Variants in GLIS3 observed in about 807,000 individuals in gnomAD.
GLIS3 encodes the protein GLIS family zinc finger 3, also known as zinc finger protein GLIS3.
In GLIS3, 53 loss-of-function variants were observed where a neutral mutation model predicts 78.6. The ratio of observed to expected loss-of-function variants is 0.67; its 90% CI spans 0.54 to 0.85. The LOEUF (loss-of-function observed/expected upper bound fraction) is 0.85, where lower values mean the gene tolerates loss of function less well. Ranked by LOEUF, GLIS3 falls within the 40% of genes least tolerant of loss-of-function variation. The probability of loss-of-function intolerance (pLI) is 0.00; values close to 1 mark genes in which losing one functional copy is unlikely to be tolerated. For synonymous variants in GLIS3, 684 were observed against 509.9 expected, an observed-to-expected ratio of 1.34 and a Z score of -4.60; for missense variants, 1,703 against 1,231.1, an observed-to-expected ratio of 1.38 and a Z score of -5.74.
the GLIS3 span, among the ~76,000 whole-genome samples, chr9:4,388,704 T>C: frequency 6.6e-6 from 1 of 151,584 alleles, no homozygotes; most frequent in African/African-American, 2.4e-5. Flanking sequence ...AAAAATAAAG[T>C]GGACAAAAAA....
intron 2 of GLIS3, among the ~76,000 whole-genome samples, chr9:4,342,092 C>A (rs1015300849): frequency 3.3e-5 from 5 of 152,102 alleles, no homozygotes; most frequent in Non-Finnish European, 7.3e-5. Flanking sequence ...TGCAGAGGCT[C>A]TTTAGTTTAA....
chr9:4,027,089 G>A (rs972562590), intron 4 of GLIS3, among the ~76,000 whole-genome samples: 15 of 152,160 alleles, frequency 9.9e-5, no homozygotes, highest in African/African-American at 3.4e-4. Context: ...ATAAATGTGA[G>A]CCAAACCTTT....
rs140633123 is a variant in GLIS3, at chr9:4,125,979, T to G, written c.389-38A>C. 2.8e-5 allele frequency: 41 copies of G among 1,490,324 alleles called. No individual in the cohort carries two copies. In the African/African-American group the frequency reaches 5.2e-4, roughly 19 times the overall value. 92.3% of individuals were successfully genotyped at this position (1,490,324 alleles called of 1,614,324 possible). A position where few individuals can be genotyped will look rare whatever the true frequency, so the allele number is the denominator to read the frequency against. On this transcript the variant is annotated intron_variant, in intron 2 of 10. Transcript: ENST00000381971. The stretch of plus-strand genomic sequence containing the variant: ...GAATCAGGTTAGCTTTCATGTCCCT[T>G]ACATCAGAAATCAGTAAATACAGAC...
intron 2 of GLIS3, among the ~76,000 whole-genome samples, chr9:4,253,173 G>A (rs572242399): frequency 6.6e-5 from 10 of 152,328 alleles, no homozygotes; most frequent in East Asian, 1.9e-4. Context: ...CTTCAGAGCC[G>A]GCAGGCAGGA....
At chr9:4,211,956 T>A (rs1192723523) in intron 2 of GLIS3, among the ~76,000 whole-genome samples, 2 of 152,178 alleles carry the variant, frequency 1.3e-5, no homozygotes, top group South Asian at 4.1e-4. Context: ...TTGTATGAAA[T>A]GCCCAGAAAA....
intron 2 of GLIS3, among the ~76,000 whole-genome samples, chr9:4,282,752 C>T (rs968441165): frequency 1.3e-5 from 2 of 151,904 alleles, no homozygotes; most frequent in African/African-American, 4.8e-5. Context: ...TATATATATA[C>T]ACACACACAA....
At position 4,000,948 on chromosome 9, in the gene GLIS3, T is replaced by A. The variant is rs1291634972; in HGVS notation, c.1711-63759A>T. Among the ~76,000 whole-genome samples, 2 of 152,344 alleles carry A rather than the reference T, an allele frequency of 1.3e-5. 1 individual carries two copies. Among genetic ancestry groups the A allele is most frequent in the South Asian group, 4.1e-4 (2 of 4,826 alleles). On this transcript the variant is annotated intron_variant, in intron 4 of 10. Transcript: ENST00000381971. ...TCCTCTGTACTTTCACAAAGCTATA[T>A]GCCAATTTTTCTATTTATATTGTCT...
chr9:4,413,688 T>G, the GLIS3 span, among the ~76,000 whole-genome samples: 1 of 151,990 alleles, frequency 6.6e-6, no homozygotes, highest in Non-Finnish European at 1.5e-5. Context: ...CACCCAGACG[T>G]TGCATGGCTC....
chr9:4,323,047 G>C (rs1438074088), intron 2 of GLIS3, among the ~76,000 whole-genome samples: 1 of 152,234 alleles, frequency 6.6e-6, no homozygotes, highest in Non-Finnish European at 1.5e-5. Context: ...ATGATTTTAG[G>C]TCTAACATTT....
At chr9:3,927,910 T>G (rs1825360127) in intron 6 of GLIS3, among the ~76,000 whole-genome samples, 1 of 152,218 alleles carries the variant, frequency 6.6e-6, no homozygotes, top group Admixed American at 6.5e-5. Context: ...GTTTAATTAT[T>G]AATTAGCATA....
chr9:3,909,560 G>C (rs1823990891), intron 6 of GLIS3, among the ~76,000 whole-genome samples: 1 of 152,212 alleles, frequency 6.6e-6, no homozygotes, highest in South Asian at 2.1e-4. Context: ...TTAGTTAGCA[G>C]TGACTCCAAA....
At chr9:4,312,254 G>T (rs1817374489) in intron 2 of GLIS3, among the ~76,000 whole-genome samples, 1 of 152,144 alleles carries the variant, frequency 6.6e-6, no homozygotes, top group Non-Finnish European at 1.5e-5. Context: ...GATCACTTGA[G>T]GTCAGGAGTT....
intron 4 of GLIS3, among the ~76,000 whole-genome samples, chr9:3,953,791 CTCTCTATATA>C (rs751184235): frequency 5.8e-3 from 276 of 47,946 alleles, no homozygotes; most frequent in Admixed American, 0.014. Context: ...CTCTCTCTCT[CTCTCTATATA>C]TATATATATA....
chr9:4,056,403 C>A (rs1156870110), intron 4 of GLIS3, among the ~76,000 whole-genome samples: 1 of 152,248 alleles, frequency 6.6e-6, no homozygotes, highest in Non-Finnish European at 1.5e-5. Flanking sequence ...TGGGCACCAT[C>A]TGCTCACAGG....
intron 2 of GLIS3, among the ~76,000 whole-genome samples, chr9:4,229,540 T>G (rs962665021): frequency 1.1e-4 from 17 of 152,208 alleles, no homozygotes; most frequent in Non-Finnish European, 2.4e-4. Flanking sequence ...TCCTTAAACG[T>G]AAAGTATTCA....
chr9:4,216,821 TAACA>T (rs1173031309), intron 2 of GLIS3, among the ~76,000 whole-genome samples: 6 of 152,180 alleles, frequency 3.9e-5, no homozygotes, highest in Non-Finnish European at 5.9e-5. Flanking sequence ...GGGGCTGTCA[TAACA>T]AACAGAGATG....
At chr9:4,418,021 G>T in the GLIS3 span, among the ~76,000 whole-genome samples, 2 of 152,098 alleles carry the variant, frequency 1.3e-5, no homozygotes, top group Non-Finnish European at 2.9e-5. Context: ...ACTAAAACCC[G>T]CTAACACCTC....
intron 4 of GLIS3, among the ~76,000 whole-genome samples, chr9:4,094,560 A>G (rs1829789870): frequency 6.6e-6 from 1 of 152,234 alleles, no homozygotes; most frequent in Non-Finnish European, 1.5e-5. Flanking sequence ...CGTTACTACC[A>G]TGGCAAATAC....
chr9:4,080,015 A>G (rs1828417654), intron 4 of GLIS3, among the ~76,000 whole-genome samples: 1 of 152,240 alleles, frequency 6.6e-6, no homozygotes, highest in Non-Finnish European at 1.5e-5. Flanking sequence ...ATGATTTAAG[A>G]AGGTGACATA....
Sources: gnomAD v4.1 joint callset for allele counts (sites outside exome capture counted in the v4.1 genomes callset) on GRCh38, gnomAD v4.1.1 for gene constraint, MANE v1.5 for transcripts, NCBI Gene and HGNC (gene_info 2026-07-23, HGNC 2026-07-21) for gene names.